MCU: variants seen among roughly 807,000 people sequenced by gnomAD.
The protein encoded by MCU is mitochondrial calcium uniporter, also known as calcium uniporter protein, mitochondrial.
MCU carries 12 observed loss-of-function variants against 45.2 expected under a neutral mutation model. The ratio of observed to expected loss-of-function variants is 0.27; its 90% CI spans 0.17 to 0.43. The LOEUF (loss-of-function observed/expected upper bound fraction) is 0.43, where lower values mean the gene tolerates loss of function less well. Ranked by LOEUF, MCU falls within the 20% of genes least tolerant of loss-of-function variation. The probability of loss-of-function intolerance (pLI) is 1.00; values close to 1 mark genes in which losing one functional copy is unlikely to be tolerated. For synonymous variants in MCU, 160 were observed against 165.1 expected (o/e 0.97, Z 0.24); for missense variants, 324 against 436.7 (o/e 0.74, Z 2.30).
intron 1 of MCU, among the ~76,000 whole-genome samples, chr10:72,779,959 T>C (rs777383881): frequency 2.6e-5 from 4 of 151,798 alleles, no homozygotes; most frequent in Non-Finnish European, 5.9e-5. Context: ...TAAAAGCACA[T>C]ATCTACACAA....
chr10:72,843,440 A>G (rs1326777493), intron 2 of MCU, among the ~76,000 whole-genome samples: 2 of 152,198 alleles, frequency 1.3e-5, no homozygotes, highest in Non-Finnish European at 2.9e-5. Context: ...TCTTTCACTT[A>G]GTAAGATACA....
chr10:72,849,817 T>C (rs1845179713), intron 2 of MCU, among the ~76,000 whole-genome samples: 1 of 151,896 alleles, frequency 6.6e-6, no homozygotes, highest in South Asian at 2.1e-4. Flanking sequence ...TTTAGCAACC[T>C]AATGTCATGT....
In MCU at chr10:72,872,846, A is replaced by G. The variant is rs200734181; in HGVS notation, c.861+1266A>G. On this transcript the variant is annotated intron_variant, in intron 6 of 7. Transcript: ENST00000373053. ...TTTCGTTTTTTTGAGGAGGCTCCCT[A>G]CTGTTTTCCATAATGGCTATACTAA... Among the ~76,000 whole-genome samples the G allele has an allele frequency of 1.7e-4, 26 of 152,102 alleles. 2 individuals carry two copies. In the East Asian group the frequency reaches 1.9e-3, roughly 11 times the overall value.
chr10:72,846,995 G>A (rs992675204), intron 2 of MCU, among the ~76,000 whole-genome samples: 2 of 152,118 alleles, frequency 1.3e-5, no homozygotes, highest in African/African-American at 2.4e-5. Context: ...TTATTGAGAC[G>A]AAGTCTCACC....
At chr10:72,855,187 C>T (rs28887299) in intron 2 of MCU, among the ~76,000 whole-genome samples, 5,986 of 151,928 alleles carry the variant, frequency 0.039, 384 homozygotes, top group African/African-American at 0.13. Flanking sequence ...TGCAGTGAGC[C>T]AAGATCCCAC....
At chr10:72,859,395 C>T (rs766484649) in intron 3 of MCU, 48 bp downstream of exon 3, 1 of 1,526,952 alleles carries the variant, frequency 6.5e-7, no homozygotes, top group Admixed American at 1.8e-5. Context: ...CATTTCACCC[C>T]ACACCATTTC....
intron 2 of MCU, among the ~76,000 whole-genome samples, chr10:72,838,733 C>T (rs527764152): frequency 8.8e-4 from 134 of 152,162 alleles, no homozygotes; most frequent in Middle Eastern, 3.4e-3. Flanking sequence ...AAATTGTTTG[C>T]GGGCAAATAA....
chr10:72,745,456 T>A (rs1396823812), intron 1 of MCU, among the ~76,000 whole-genome samples: 1 of 152,206 alleles, frequency 6.6e-6, no homozygotes, highest in Admixed American at 6.5e-5. Flanking sequence ...CTCGAACTCC[T>A]GACCTTAGGT....
chr10:72,884,231 T>C, intron 6 of MCU, 35 bp from the exon 7 acceptor site: 1 of 1,254,146 alleles, frequency 8.0e-7, no homozygotes, highest in Non-Finnish European at 1.2e-6. Flanking sequence ...GATAGTATGC[T>C]AAGGACTGAT....
intron 1 of MCU, among the ~76,000 whole-genome samples, chr10:72,698,489 A>G (rs1842716951): frequency 6.6e-6 from 1 of 152,184 alleles, no homozygotes; most frequent in South Asian, 2.1e-4. Flanking sequence ...ATCTCAGGAT[A>G]GCTGTTAGAA....
chr10:72,811,617 C>T (rs1270211476), intron 1 of MCU, among the ~76,000 whole-genome samples: 1 of 152,166 alleles, frequency 6.6e-6, no homozygotes, highest in East Asian at 1.9e-4. Context: ...GAATCTTTCA[C>T]TCAGTTTAGT....
rs1844314538 is a variant in MCU, at chr10:72,799,999, A to AATTC, written c.151-34359_151-34358insTTCA. On this transcript the variant is annotated intron_variant, in intron 1 of 7. Transcript: ENST00000373053. The stretch of plus-strand genomic sequence containing the variant: ...CTCTAATTCAAAAATCCAAAATCTG[A>AATTC]AATGCTCCAAAATCCAAAACTTCTT... 3.9e-5 allele frequency among the ~76,000 whole-genome samples: 6 copies of AATTC among 152,332 alleles called. No individual in the cohort carries two copies. The South Asian group carries it at 1.2e-3, about 32-fold the overall frequency.
intron 2 of MCU, among the ~76,000 whole-genome samples, chr10:72,849,063 G>C (rs1033668619): frequency 6.6e-6 from 1 of 151,882 alleles, no homozygotes; most frequent in Admixed American, 6.6e-5. Flanking sequence ...GGTGGATCAC[G>C]AGGTCAGGCA....
rs527730200 is a variant in MCU, at chr10:72,731,549, T to C, written c.150+39248T>C. ...ATTCTGCAACTGTAACCATCACCAATATCTGATTCCAGAATGTTTCCATCA... is the reference window on the plus strand; with the variant it reads ...ATTCTGCAACTGTAACCATCACCAACATCTGATTCCAGAATGTTTCCATCA... On this transcript the variant is annotated intron_variant, in intron 1 of 7. Transcript: ENST00000373053. Among the ~76,000 whole-genome samples the C allele has an allele frequency of 9.9e-5, 15 of 152,200 alleles. No homozygotes were observed. The South Asian group carries it at 2.1e-3, about 21-fold the overall frequency.
At chr10:72,863,113 G>A (rs907128554) in intron 4 of MCU, among the ~76,000 whole-genome samples, 1 of 151,850 alleles carries the variant, frequency 6.6e-6, no homozygotes, top group Non-Finnish European at 1.5e-5. Context: ...CCATCTCACT[G>A]TTTGCCCACT....
chr10:72,745,018 G>A (rs1287446827), intron 1 of MCU, among the ~76,000 whole-genome samples: 12 of 151,554 alleles, frequency 7.9e-5, no homozygotes, highest in Admixed American at 7.9e-4. Flanking sequence ...GTATAATAAG[G>A]CCCACAGATA....
chr10:72,843,003 G>T (rs1463637729), intron 2 of MCU, among the ~76,000 whole-genome samples: 1 of 152,008 alleles, frequency 6.6e-6, no homozygotes, highest in Non-Finnish European at 1.5e-5. Flanking sequence ...CTAAAAAGCA[G>T]ACTTTTTTAA....
intron 1 of MCU, among the ~76,000 whole-genome samples, chr10:72,716,073 T>C (rs1170810286): frequency 2.0e-5 from 3 of 152,358 alleles, no homozygotes; most frequent in Non-Finnish European, 4.4e-5. Flanking sequence ...CTTGATTTTG[T>C]AAACAAAGTT....
At chr10:72,866,028 T>C (rs1279011394) in intron 4 of MCU, among the ~76,000 whole-genome samples, 3 of 152,136 alleles carry the variant, frequency 2.0e-5, no homozygotes, top group South Asian at 2.1e-4. Context: ...CCGCCCTCCT[T>C]GGCCTCCCAA....
Sources: allele counts gnomAD v4.1 joint callset (sites outside exome capture counted in the v4.1 genomes callset), GRCh38; gene constraint gnomAD v4.1.1; transcripts MANE v1.5; gene names NCBI Gene and HGNC (gene_info 2026-07-23, HGNC 2026-07-21).